Variants in TNFRSF8 observed in about 807,000 individuals in gnomAD.
TNFRSF8 encodes the protein TNF receptor superfamily member 8.
Under a neutral mutation model 70.8 loss-of-function variants are expected in TNFRSF8, and 26 were observed. That is an observed-to-expected ratio of 0.37 (90% CI 0.27 to 0.51). The LOEUF is 0.51. Ranked by LOEUF, TNFRSF8 falls within the 20% of genes least tolerant of loss-of-function variation. The pLI is 0.94. For missense variants in TNFRSF8, 720 were observed against 807.9 expected, an observed-to-expected ratio of 0.89 and a Z score of 1.32; for synonymous variants, 356 against 339.2, an observed-to-expected ratio of 1.05 and a Z score of -0.54.
chr1:12,135,672 C>CCTTCCT (rs1642133619), intron 13 of TNFRSF8, 59 bp downstream of exon 13: 7 of 1,603,720 alleles, frequency 4.4e-6, no homozygotes, highest in Middle Eastern at 1.7e-4. Flanking sequence ...GACTCCTTCC[C>CCTTCCT]TAACAGATCT....
rs1641584704 is a variant in TNFRSF8, at chr1:12,109,417, A to G, written c.422-149A>G. On this transcript the variant is annotated intron_variant, in intron 4 of 14. Coordinates refer to ENST00000263932, the MANE Select transcript of TNFRSF8 (RefSeq NM_001243.5). This position sits in a 1 kb window ranked among gnomAD's most constrained non-coding sequence, Gnocchi z 4.4. ...ATAGGCTGCTTTACTCTGAAGGGGA[A>G]CGGGTGCCAGGCGGGTGCCACCTCC... The G allele has an allele frequency of 1.6e-6, 1 of 611,530 alleles. No homozygotes were observed. The allele number at this position is 611,530 out of a possible 1,614,324, so 37.9% of individuals were successfully genotyped here.
intron 12 of TNFRSF8, among the ~76,000 whole-genome samples, chr1:12,133,599 G>A (rs1390372603): frequency 6.6e-6 from 1 of 151,788 alleles, no homozygotes; most frequent in Non-Finnish European, 1.5e-5. Flanking sequence ...AATTAGCTGA[G>A]CATGGTGGTG....
At chr1:12,135,844 C>T (rs2101044139) in intron 13 of TNFRSF8, among the ~76,000 whole-genome samples, 1 of 152,308 alleles carries the variant, frequency 6.6e-6, no homozygotes, top group South Asian at 2.1e-4. Flanking sequence ...CTCAGCCAGG[C>T]CTTGGCTAAG....
chr1:12,138,192 G>T lies in TNFRSF8; in HGVS notation c.1336-37G>T. ...AGTTCAGAGACTGGTGGGGAGGTTG[G>T]GGGTACCCTGCAGCAGCACCCATTC... On this transcript the variant is annotated intron_variant, in intron 13 of 14. Transcript: ENST00000263932. The surrounding 1 kb of genome is among the most constrained non-coding windows in gnomAD (Gnocchi z 5.7). 6.2e-7 allele frequency: 1 copy of T among 1,603,766 alleles called. No homozygotes were observed. Among genetic ancestry groups the T allele is most frequent in the South Asian group, 1.1e-5 (1 of 90,654 alleles).
rs1359207075 is a variant in TNFRSF8 at position 12,113,016 on chromosome 1, G to A, written c.793+1002G>A. Among the ~76,000 whole-genome samples the A allele has an allele frequency of 6.6e-6, 1 of 152,232 alleles. No homozygotes were observed. The highest frequency in any genetic ancestry group is 1.5e-5 in the Non-Finnish European group (1 of 68,044). On this transcript the variant is annotated intron_variant, in intron 7 of 14. Transcript: ENST00000263932. The surrounding 1 kb of genome is among the most constrained non-coding windows in gnomAD (Gnocchi z 4.9). Reference sequence around the variant, plus strand: ...TGGAGGTCTCTGTCCTAGTTACTAAGGCTGCATAGCAAATTTTCTTAAAAC... The same window carrying A: ...TGGAGGTCTCTGTCCTAGTTACTAAAGCTGCATAGCAAATTTTCTTAAAAC...
Position 12,110,245 on chromosome 1 carries a change from C to T in TNFRSF8, c.676+41C>T. 6.5e-7 allele frequency: 1 copy of T among 1,529,000 alleles called. No homozygotes were observed. Among genetic ancestry groups the T allele is most frequent in the South Asian group, 1.3e-5 (1 of 77,866 alleles). The allele number at this position is 1,529,000 out of a possible 1,614,324, so 94.7% of individuals were successfully genotyped here. A position where few individuals can be genotyped will look rare whatever the true frequency, so the allele number is the denominator to read the frequency against. On this transcript the variant is annotated intron_variant, in intron 6 of 14. Coordinates refer to ENST00000263932, the MANE Select transcript of TNFRSF8 (RefSeq NM_001243.5). The surrounding 1 kb of genome is among the most constrained non-coding windows in gnomAD (Gnocchi z 4.0). The stretch of plus-strand genomic sequence containing the variant: ...AGCTGTGGGTCGTCTCCCTGGGGTG[C>T]TCGATTGGTGGATGGCCCATGAGTG...
intron 12 of TNFRSF8, among the ~76,000 whole-genome samples, chr1:12,133,565 C>T (rs1163566711): frequency 1.3e-5 from 2 of 150,756 alleles, no homozygotes; most frequent in African/African-American, 4.9e-5. Flanking sequence ...CATGGTGAAA[C>T]CCCGTCTCTA....
In TNFRSF8 at chr1:12,120,906, C is replaced by T. The variant is rs77524001; in HGVS notation, c.947-2378C>T. Among the ~76,000 whole-genome samples, 774 of 152,312 alleles carry T rather than the reference C, an allele frequency of 5.1e-3. 10 individuals are homozygous for T. Among genetic ancestry groups the T allele is most frequent in the African/African-American group, 0.018 (743 of 41,576 alleles). On this transcript the variant is annotated intron_variant, in intron 8 of 14. Coordinates refer to ENST00000263932, the MANE Select transcript of TNFRSF8 (RefSeq NM_001243.5). ...CACCCAAGGGATACTAGGTTCCCCCCTTCTGCACATACAGGAGGGACAGCA... is the reference window on the plus strand; with the variant it reads ...CACCCAAGGGATACTAGGTTCCCCCTTTCTGCACATACAGGAGGGACAGCA...
chr1:12,102,850 A>G (rs1166714929), intron 3 of TNFRSF8, among the ~76,000 whole-genome samples: 1 of 152,018 alleles, frequency 6.6e-6, no homozygotes, highest in East Asian at 1.9e-4. Flanking sequence ...ATGTCTGTTA[A>G]CCAACCTGTG....
chr1:12,123,481 G>C, intron 9 of TNFRSF8, 104 bp downstream of exon 9: 1 of 1,143,258 alleles, frequency 8.7e-7, no homozygotes, highest in South Asian at 1.5e-5. Context: ...GGTGGAGGTG[G>C]GGCCTGGGCT....
chr1:12,135,437 C>T (rs1642128042), intron 12 of TNFRSF8, 151 bp from the exon 13 acceptor site: 2 of 1,054,472 alleles, frequency 1.9e-6, no homozygotes, highest in South Asian at 3.1e-5. Flanking sequence ...GACTCTGAAA[C>T]CCATCGAGGG....
At chr1:12,097,080 C>T (rs770577537) in intron 2 of TNFRSF8, 21 bp from the exon 3 acceptor site, 3 of 1,603,466 alleles carry the variant, frequency 1.9e-6, no homozygotes, top group Non-Finnish European at 2.6e-6. Context: ...TGGCTTGGAG[C>T]TTCTCTGTTT....
intron 3 of TNFRSF8, among the ~76,000 whole-genome samples, chr1:12,102,290 C>G (rs115532314): frequency 7.2e-5 from 11 of 152,168 alleles, no homozygotes; most frequent in Non-Finnish European, 1.6e-4. Flanking sequence ...CGGGAAGACG[C>G]GTGGCCTCTG....
Position 12,104,436 on chromosome 1 carries a change from G to A in TNFRSF8, c.326G>A (p.Arg109Gln), listed in dbSNP as rs948804795. ...AWNSSRVCEC[R>Q]PGMFCSTSAV... Reference sequence around the variant, plus strand: ...AACTCCTCCCGTGTCTGCGAATGTCGACCCGGCATGTTCTGTTCCACGTCT... The same window carrying A: ...AACTCCTCCCGTGTCTGCGAATGTCAACCCGGCATGTTCTGTTCCACGTCT... Residue 109 changes from arginine to glutamine, a missense_variant, in exon 4 of 15, where the codon CGA (arginine) becomes CAA (glutamine). Transcript: ENST00000263932. 7 of 1,613,928 alleles carry A rather than the reference G, an allele frequency of 4.3e-6. No individual in the cohort carries two copies. Among genetic ancestry groups the A allele is most frequent in the African/African-American group, 1.3e-5 (1 of 74,864 alleles).
At chr1:12,072,204 G>C (rs1254294225) in intron 1 of TNFRSF8, among the ~76,000 whole-genome samples, 1 of 152,212 alleles carries the variant, frequency 6.6e-6, no homozygotes, top group African/African-American at 2.4e-5. Context: ...CAAGTGCTGA[G>C]AGCAGCTTCT....
chr1:12,109,529 A>G lies in TNFRSF8; in HGVS notation c.422-37A>G, dbSNP rs201693682. 1.3e-6 allele frequency: 2 copies of G among 1,581,240 alleles called. No homozygotes were observed. Among genetic ancestry groups the G allele is most frequent in the Non-Finnish European group, 1.7e-6 (2 of 1,152,036 alleles). On this transcript the variant is annotated intron_variant, in intron 4 of 14. Transcript: ENST00000263932. This position sits in a 1 kb window ranked among gnomAD's most constrained non-coding sequence, Gnocchi z 4.4. Reference sequence around the variant, plus strand: ...GTATTCCGGGAGACTTTGGGTCCCCAACACTGATTCTGAAGGCACTGCTGT... The same window carrying G: ...GTATTCCGGGAGACTTTGGGTCCCCGACACTGATTCTGAAGGCACTGCTGT...
chr1:12,138,911 T>C lies in TNFRSF8; in HGVS notation c.1543+475T>C, dbSNP rs975557589. On this transcript the variant is annotated intron_variant, in intron 14 of 14. Transcript: ENST00000263932. The surrounding 1 kb of genome is among the most constrained non-coding windows in gnomAD (Gnocchi z 5.7). ...GTGATTTTCCCCATTGCATGGCTAC[T>C]AAGTGGCACAGCTGGAACTCGTCCC... is the stretch of plus-strand genomic sequence containing the variant. 7.1e-6 allele frequency among the ~76,000 whole-genome samples: 1 copy of C among 140,608 alleles called. No individual in the cohort carries two copies. Among genetic ancestry groups the C allele is most frequent in the African/African-American group, 3.0e-5 (1 of 33,816 alleles). 92.2% of individuals were successfully genotyped at this position (140,608 alleles called of 152,430 possible).
At chr1:12,140,129 TG>T (rs1269490017) in intron 14 of TNFRSF8, among the ~76,000 whole-genome samples, 2 of 152,212 alleles carry the variant, frequency 1.3e-5, no homozygotes, top group Non-Finnish European at 2.9e-5. Flanking sequence ...GGGTGTTTGA[TG>T]GGGAGGAGAA....
chr1:12,082,537 G>A (rs1641082566), intron 1 of TNFRSF8, among the ~76,000 whole-genome samples: 1 of 132,864 alleles, frequency 7.5e-6, no homozygotes. Context: ...GCAACAGAGT[G>A]AGACCCTGTC....
Sources: allele counts gnomAD v4.1 joint callset (sites outside exome capture counted in the v4.1 genomes callset), GRCh38; gene constraint gnomAD v4.1.1; non-coding constraint Gnocchi (gnomAD v3.1); transcripts MANE v1.5; gene names NCBI Gene and HGNC (gene_info 2026-07-23, HGNC 2026-07-21).